Variants in SDK1 observed in about 807,000 individuals in gnomAD.
The protein encoded by SDK1 is sidekick cell adhesion molecule 1, also known as protein sidekick-1.
In SDK1, 157 loss-of-function variants were observed where a neutral mutation model predicts 245.5. The observed-to-expected ratio is 0.64, with a 90% CI of 0.56 to 0.73. The LOEUF (loss-of-function observed/expected upper bound fraction) is 0.73, where lower values mean the gene tolerates loss of function less well. Among genes scored for constraint, SDK1 ranks in the 30% least tolerant of loss-of-function variants. The probability of loss-of-function intolerance (pLI) is 0.00; values close to 1 mark genes in which losing one functional copy is unlikely to be tolerated. For synonymous variants in SDK1, 1,647 were observed against 1,278.5 expected (o/e 1.29, Z -6.15); for missense variants, 3,583 against 3,002.3 (o/e 1.19, Z -4.52).
At chr7:3,534,201 C>G (rs1008572516) in intron 1 of SDK1, among the ~76,000 whole-genome samples, 21 of 152,136 alleles carry the variant, frequency 1.4e-4, no homozygotes, top group African/African-American at 5.1e-4. Context: ...AAGTCTCAAC[C>G]ATCTTGTCAC....
At chr7:4,025,080 C>T (rs904387525) in intron 17 of SDK1, among the ~76,000 whole-genome samples, 2 of 152,134 alleles carry the variant, frequency 1.3e-5, no homozygotes, top group African/African-American at 4.8e-5. Flanking sequence ...AATAGTGACT[C>T]TCCCAGTGTA....
In SDK1 at chr7:3,428,165, G is replaced by T. The variant is rs140173778; in HGVS notation, c.298+126281G>T. Among the ~76,000 whole-genome samples the T allele has an allele frequency of 5.3e-3, 805 of 152,308 alleles. 3 individuals carry two copies. Among genetic ancestry groups the T allele is most frequent in the African/African-American group, 0.018 (753 of 41,572 alleles). On this transcript the variant is annotated intron_variant, in intron 1 of 44. Transcript: ENST00000404826. The stretch of plus-strand genomic sequence containing the variant: ...CAGTGACCAATCACTGACAGGCTTT[G>T]AAAGAAGTGACGTGATTGGTCATGG...
intron 5 of SDK1, among the ~76,000 whole-genome samples, chr7:3,826,726 G>C (rs550449017): frequency 6.6e-6 from 1 of 152,184 alleles, no homozygotes; most frequent in Non-Finnish European, 1.5e-5. Context: ...GATAGCTTGC[G>C]TACAGAGTGT....
At chr7:4,197,606 C>A (rs1783659236) in intron 35 of SDK1, among the ~76,000 whole-genome samples, 1 of 152,242 alleles carries the variant, frequency 6.6e-6, no homozygotes, top group Admixed American at 6.5e-5. Flanking sequence ...ACCCCATCCG[C>A]AGCTTCTGTG....
chr7:3,575,291 C>T (rs1376633134), intron 1 of SDK1, among the ~76,000 whole-genome samples: 2 of 151,958 alleles, frequency 1.3e-5, no homozygotes, highest in South Asian at 4.2e-4. Context: ...CGCATGAATT[C>T]TCTGGTGTCT....
intron 1 of SDK1, among the ~76,000 whole-genome samples, chr7:3,568,945 A>T (rs75052587): frequency 0.019 from 2,827 of 152,170 alleles, 83 homozygotes; most frequent in African/African-American, 0.064. Context: ...TACTATGCAA[A>T]TAAACATTTA....
chr7:4,022,009 G>T (rs1410386682), intron 17 of SDK1, among the ~76,000 whole-genome samples: 1 of 152,168 alleles, frequency 6.6e-6, no homozygotes, highest in Admixed American at 6.5e-5. Context: ...TGGGCATTAA[G>T]TGCTAAATGC....
intron 1 of SDK1, among the ~76,000 whole-genome samples, chr7:3,365,539 A>C (rs1422001260): frequency 6.6e-6 from 1 of 152,208 alleles, no homozygotes; most frequent in Non-Finnish European, 1.5e-5. Context: ...TCTTACACTG[A>C]AAATAGTGAT....
chr7:3,535,112 T>G (rs1412651837), intron 1 of SDK1, among the ~76,000 whole-genome samples: 1 of 151,714 alleles, frequency 6.6e-6, no homozygotes, highest in East Asian at 1.9e-4. Context: ...CGTCTCTACT[T>G]AAAAATACAA....
At chr7:3,511,124 C>T (rs577080419) in intron 1 of SDK1, among the ~76,000 whole-genome samples, 55 of 152,282 alleles carry the variant, frequency 3.6e-4, no homozygotes, top group Non-Finnish European at 6.8e-4. Flanking sequence ...TAGGATTCCA[C>T]GGTCTGAGAA....
chr7:3,985,701 G>T (rs981573339), intron 13 of SDK1, among the ~76,000 whole-genome samples: 1 of 152,106 alleles, frequency 6.6e-6, no homozygotes, highest in Non-Finnish European at 1.5e-5. Context: ...AAAACAAGAC[G>T]ACATCCTGGG....
intron 4 of SDK1, among the ~76,000 whole-genome samples, chr7:3,667,378 T>C (rs368398896): frequency 6.6e-6 from 1 of 152,212 alleles, no homozygotes; most frequent in East Asian, 1.9e-4. Flanking sequence ...AATGAGTTTA[T>C]CATGGAAAAG....
intron 1 of SDK1, among the ~76,000 whole-genome samples, chr7:3,324,486 G>T (rs1259744310): frequency 3.9e-5 from 6 of 152,106 alleles, no homozygotes; most frequent in Non-Finnish European, 8.8e-5. Flanking sequence ...ATGTTTGGAG[G>T]ATAGGATAAG....
chr7:3,867,594 T>C (rs1327090089), intron 5 of SDK1, among the ~76,000 whole-genome samples: 1 of 152,042 alleles, frequency 6.6e-6, no homozygotes, highest in Non-Finnish European at 1.5e-5. Context: ...TATAAAACCA[T>C]CAGATCTCGT....
At chr7:3,514,014 C>T (rs1782657984) in intron 1 of SDK1, among the ~76,000 whole-genome samples, 1 of 152,016 alleles carries the variant, frequency 6.6e-6, no homozygotes, top group Non-Finnish European at 1.5e-5. Flanking sequence ...CTACCATGTT[C>T]TCTTTATTCA....
chr7:4,095,773 C>T (rs1055301416), intron 22 of SDK1, among the ~76,000 whole-genome samples: 5 of 152,082 alleles, frequency 3.3e-5, no homozygotes, highest in African/African-American at 9.7e-5. Flanking sequence ...GGGGTTTCGC[C>T]GTGTGGGCCA....
In SDK1 at chr7:3,762,220, CCTCCTATGGGACATTCTGGGT is replaced by C. The variant is rs1349685722; in HGVS notation, c.714-59217_714-59197del. Among the ~76,000 whole-genome samples the C allele has an allele frequency of 3.0e-3, 457 of 152,286 alleles. 3 individuals carry two copies. Among genetic ancestry groups the C allele is most frequent in the African/African-American group, 0.011 (440 of 41,562 alleles). ...GTGGTTTCTAGTTGAGGAAGCAGTACCTCCTATGGGACATTCTGGGTCTCCTATGGGACGTACTGGGTGTTC... is the reference window on the plus strand; with the variant it reads ...GTGGTTTCTAGTTGAGGAAGCAGTACCTCCTATGGGACGTACTGGGTGTTC... On this transcript the variant is annotated intron_variant, in intron 4 of 44. Transcript: ENST00000404826.
At chr7:4,238,236 C>A (rs144122792) in intron 42 of SDK1, among the ~76,000 whole-genome samples, 8 of 151,994 alleles carry the variant, frequency 5.3e-5, no homozygotes, top group Non-Finnish European at 1.0e-4. Context: ...CCTGCCACTA[C>A]GCCCGGCTAA....
intron 5 of SDK1, among the ~76,000 whole-genome samples, chr7:3,886,938 C>T (rs1781352393): frequency 6.6e-6 from 1 of 152,120 alleles, no homozygotes; most frequent in South Asian, 2.1e-4. Flanking sequence ...TCTTGAAGTG[C>T]CAAGCCTCCT....
Sources: gnomAD v4.1 joint callset for allele counts (sites outside exome capture counted in the v4.1 genomes callset) on GRCh38, gnomAD v4.1.1 for gene constraint, MANE v1.5 for transcripts, NCBI Gene and HGNC (gene_info 2026-07-23, HGNC 2026-07-21) for gene names.